FTO: variants seen among roughly 807,000 people sequenced by gnomAD.
FTO encodes the protein FTO alpha-ketoglutarate dependent dioxygenase, also known as alpha-ketoglutarate-dependent dioxygenase FTO.
A neutral mutation model predicts 63.9 loss-of-function variants in FTO; 47 were observed. The observed-to-expected ratio is 0.74, with a 90% CI of 0.58 to 0.94. The LOEUF is 0.94. Ranked by LOEUF, FTO falls within the 40% of genes least tolerant of loss-of-function variation. The probability of loss-of-function intolerance (pLI) is 0.00; values close to 1 mark genes in which losing one functional copy is unlikely to be tolerated. For missense variants in FTO, 562 were observed against 618.1 expected, an observed-to-expected ratio of 0.91 and a Z score of 0.96; for synonymous variants, 207 against 224.4, an observed-to-expected ratio of 0.92 and a Z score of 0.69.
intron 2 of FTO, among the ~76,000 whole-genome samples, chr16:53,820,798 G>C (rs568433519): frequency 3.3e-5 from 5 of 152,100 alleles, no homozygotes; most frequent in Non-Finnish European, 7.3e-5. Context: ...TCCAGGAAAG[G>C]TTTCTATAAG....
intron 7 of FTO, among the ~76,000 whole-genome samples, chr16:53,921,713 A>T (rs1027583105): frequency 3.9e-5 from 6 of 152,166 alleles, no homozygotes; most frequent in Non-Finnish European, 5.9e-5. Context: ...TCCATGTTTA[A>T]TTCTAGATTC....
At chr16:53,994,105 C>T (rs2083876657) in intron 8 of FTO, 1 of 152,136 alleles carries the variant, frequency 6.6e-6, no homozygotes, top group African/African-American at 2.4e-5. Flanking sequence ...CCTTTTAATG[C>T]TTTAAAACTT....
At position 53,704,163 on chromosome 16, in the gene FTO, C is replaced by T; in HGVS notation, c.-22C>T. The T allele has an allele frequency of 6.4e-7, 1 of 1,551,404 alleles. No individual in the cohort carries two copies. The highest frequency in any genetic ancestry group is 8.7e-7 in the Non-Finnish European group (1 of 1,146,762). On this transcript the variant is annotated 5_prime_UTR_variant, in exon 1 of 9. Coordinates refer to ENST00000471389, the MANE Select transcript of FTO (RefSeq NM_001080432.3). ...GAGGGATCTACGCAGCTTGCGGTGG[C>T]GAAGGCGGCTTTAGTGGCAGCATGA...
chr16:53,863,212 G>A (rs888887619), intron 4 of FTO, among the ~76,000 whole-genome samples: 3 of 152,108 alleles, frequency 2.0e-5, no homozygotes, highest in East Asian at 1.9e-4. Flanking sequence ...ATGTCAGTTC[G>A]AGTAAACTTT....
At chr16:53,801,432 C>T (rs1224023800) in intron 1 of FTO, among the ~76,000 whole-genome samples, 1 of 152,072 alleles carries the variant, frequency 6.6e-6, no homozygotes, top group Non-Finnish European at 1.5e-5. Context: ...CCAGAATGTA[C>T]TACTCTTGTT....
At chr16:53,938,432 A>G (rs946086539) in intron 8 of FTO, among the ~76,000 whole-genome samples, 2 of 152,234 alleles carry the variant, frequency 1.3e-5, no homozygotes, top group Admixed American at 6.5e-5. Context: ...TCATGAACAT[A>G]GAGTCTTGAT....
chr16:53,860,079 GTATATC>G (rs1260318079), intron 4 of FTO, among the ~76,000 whole-genome samples: 2 of 151,852 alleles, frequency 1.3e-5, no homozygotes, highest in East Asian at 1.9e-4. Context: ...AATGCAGTAG[GTATATC>G]TATATCTATA....
chr16:54,040,386 AAC>A (rs1248843959), intron 8 of FTO: 12 of 152,368 alleles, frequency 7.9e-5, no homozygotes, highest in South Asian at 4.1e-4. Flanking sequence ...AGAAAAAATC[AAC>A]ACACAGATTA....
intron 4 of FTO, among the ~76,000 whole-genome samples, chr16:53,854,311 T>A (rs1257636225): frequency 1.3e-5 from 2 of 152,208 alleles, no homozygotes; most frequent in East Asian, 3.8e-4. Context: ...GCTTTTTAGT[T>A]TAAGTAGGTC....
chr16:53,862,459 C>G lies in FTO; in HGVS notation c.896-11327C>G, dbSNP rs1431680961. Among the ~76,000 whole-genome samples, 10 of 151,794 alleles carry G rather than the reference C, an allele frequency of 6.6e-5. 1 individual carries two copies. The highest frequency in any genetic ancestry group is 6.6e-4 in the Admixed American group (10 of 15,224). On this transcript the variant is annotated intron_variant, in intron 4 of 8. Transcript: ENST00000471389. ...GTCCTTGCTCAACCATTTTATAGTG[C>G]AGACTCTGGTCTTTTCACAACCTTG...
chr16:53,943,535 T>C (rs2082585281), intron 8 of FTO, among the ~76,000 whole-genome samples: 1 of 152,258 alleles, frequency 6.6e-6, no homozygotes, highest in Non-Finnish European at 1.5e-5. Flanking sequence ...CTAAGCACTG[T>C]TCCAGGTTCA....
At chr16:53,931,653 T>C (rs889203020) in intron 7 of FTO, among the ~76,000 whole-genome samples, 2 of 152,010 alleles carry the variant, frequency 1.3e-5, no homozygotes, top group African/African-American at 2.4e-5. Flanking sequence ...TTTAAGAACA[T>C]GAAGTAGGGT....
At chr16:53,774,480 C>A (rs1233571317) in intron 1 of FTO, among the ~76,000 whole-genome samples, 1 of 151,842 alleles carries the variant, frequency 6.6e-6, no homozygotes, top group Non-Finnish European at 1.5e-5. Context: ...GTAGATAGTA[C>A]CTATTTTCAT....
intron 7 of FTO, chr16:53,923,093 AAAG>A (rs1313552827): frequency 6.6e-6 from 1 of 152,238 alleles, no homozygotes; most frequent in Non-Finnish European, 1.5e-5. Flanking sequence ...ACAGAGGGAG[AAAG>A]AAGAACAATG....
Position 53,879,829 on chromosome 16 carries a change from G to T in FTO, c.976-15G>T. The stretch of plus-strand genomic sequence containing the variant: ...ATTTTGCCCATAATTGTGATTGCTG[G>T]TTCTGTCTCAACAGTGCTCAACAGG... On this transcript the variant is annotated splice_polypyrimidine_tract_variant and intron_variant, in intron 5 of 8. Coordinates refer to ENST00000471389, the MANE Select transcript of FTO (RefSeq NM_001080432.3). 1.2e-6 allele frequency: 2 copies of T among 1,613,608 alleles called. No individual in the cohort carries two copies. The highest frequency in any genetic ancestry group is 1.7e-6 in the Non-Finnish European group (2 of 1,179,788).
At chr16:53,812,469 G>A (rs910099082) in intron 2 of FTO, among the ~76,000 whole-genome samples, 8 of 151,756 alleles carry the variant, frequency 5.3e-5, no homozygotes, top group Non-Finnish European at 8.8e-5. Context: ...GTGATTTGGC[G>A]TCCCAAAGTG....
intron 8 of FTO, among the ~76,000 whole-genome samples, chr16:53,995,873 G>A (rs146912762): frequency 2.0e-3 from 300 of 152,276 alleles, no homozygotes; most frequent in African/African-American, 6.6e-3. Flanking sequence ...TCCCTTGCAA[G>A]TCAGGGGCTG....
At chr16:54,013,194 C>G (rs2084366761) in intron 8 of FTO, among the ~76,000 whole-genome samples, 1 of 152,126 alleles carries the variant, frequency 6.6e-6, no homozygotes, top group South Asian at 2.1e-4. Context: ...TCACGGATGA[C>G]TTTGAGGGGC....
At chr16:53,933,718 G>T (rs1202566527) in intron 7 of FTO, among the ~76,000 whole-genome samples, 1 of 152,184 alleles carries the variant, frequency 6.6e-6, no homozygotes, top group Non-Finnish European at 1.5e-5. Context: ...AATCGTTGGT[G>T]TGCTGAGAAA....
Sources: allele counts gnomAD v4.1 joint callset (sites outside exome capture counted in the v4.1 genomes callset), GRCh38; gene constraint gnomAD v4.1.1; transcripts MANE v1.5; gene names NCBI Gene and HGNC (gene_info 2026-07-23, HGNC 2026-07-21).